The following RNU6-9 variants were observed in gnomAD, a reference collection of about 807,000 sequenced individuals.
RNU6-9 encodes the protein RNA, U6 small nuclear 9.
exon 1 of RNU6-9, chr19:893,563 G>T (rs1411952207): frequency 6.6e-6 from 1 of 150,530 alleles, no homozygotes; most frequent in African/African-American, 2.4e-5. Context: ...AGGATGACAC[G>T]CAAATTCGTG....
chr19:893,485 T>C (rs2036687489), exon 1 of RNU6-9: 1 of 152,198 alleles, frequency 6.6e-6, no homozygotes, highest in African/African-American at 2.4e-5. Context: ...TCAATATTCG[T>C]GCTCGCTTCG....
At position 893,487 on chromosome 19, in the gene RNU6-9, C is replaced by G. The variant is rs555638133; in HGVS notation, n.4C>G. ...CTGGTGGTGGAACTCAATATTCGTG[C>G]TCGCTTCGGCAGCACATATACTAAA... is the stretch of plus-strand genomic sequence containing the variant. On this transcript the variant is annotated non_coding_transcript_exon_variant, in exon 1 of 1. Coordinates refer to ENST00000384776, the Ensembl canonical transcript of RNU6-9. 2.6e-5 allele frequency: 4 copies of G among 152,306 alleles called. No individual in the cohort carries two copies. The East Asian group carries it at 7.7e-4, about 29-fold the overall frequency. 9.4% of individuals were successfully genotyped at this position (152,306 alleles called of 1,614,324 possible). A position where few individuals can be genotyped will look rare whatever the true frequency, so the allele number is the denominator to read the frequency against.
exon 1 of RNU6-9, chr19:893,541 G>A (rs569158702): frequency 2.6e-5 from 4 of 151,932 alleles, no homozygotes; most frequent in Non-Finnish European, 5.9e-5. Flanking sequence ...AGATTAGCAT[G>A]GCCCCTGCGC....
At chr19:893,573 G>T (rs1464501427) in exon 1 of RNU6-9, 1 of 143,576 alleles carries the variant, frequency 7.0e-6, no homozygotes, top group Non-Finnish European at 1.5e-5. Context: ...GCAAATTCGT[G>T]AAGCGTTCCA....
chr19:893,556 A>C (rs1357678175), exon 1 of RNU6-9: 1 of 151,640 alleles, frequency 6.6e-6, no homozygotes, highest in Non-Finnish European at 1.5e-5. Context: ...CTGCGCAAGG[A>C]TGACACGCAA....
exon 1 of RNU6-9, chr19:893,545 C>CT (rs1473730865): frequency 6.6e-6 from 1 of 152,022 alleles, no homozygotes; most frequent in Non-Finnish European, 1.5e-5. Context: ...TAGCATGGCC[C>CT]CTGCGCAAGG....
chr19:893,576 G>A (rs1429630013), exon 1 of RNU6-9: 1 of 135,506 alleles, frequency 7.4e-6, no homozygotes, highest in Admixed American at 7.3e-5. Context: ...AATTCGTGAA[G>A]CGTTCCATAT....
exon 1 of RNU6-9, chr19:893,488 T>G (rs1259596831): frequency 2.6e-5 from 4 of 152,220 alleles, no homozygotes; most frequent in South Asian, 2.1e-4. Context: ...ATATTCGTGC[T>G]CGCTTCGGCA....
exon 1 of RNU6-9, chr19:893,496 G>A (rs913556659): frequency 1.3e-5 from 2 of 152,164 alleles, no homozygotes; most frequent in Non-Finnish European, 2.9e-5. Context: ...GCTCGCTTCG[G>A]CAGCACATAT....
At chr19:893,545 C>G (rs770806785) in exon 1 of RNU6-9, 7 of 152,022 alleles carry the variant, frequency 4.6e-5, no homozygotes, top group African/African-American at 1.5e-4. Context: ...TAGCATGGCC[C>G]CTGCGCAAGG....
chr19:893,560 C>T (rs556561325), exon 1 of RNU6-9: 10 of 151,206 alleles, frequency 6.6e-5, no homozygotes, highest in African/African-American at 1.9e-4. Context: ...GCAAGGATGA[C>T]ACGCAAATTC....
At chr19:893,542 G>GC (rs746822838) in exon 1 of RNU6-9, 8 of 152,008 alleles carry the variant, frequency 5.3e-5, no homozygotes, top group Non-Finnish European at 8.8e-5. Context: ...GATTAGCATG[G>GC]CCCCTGCGCA....
chr19:893,520 C>T (rs948074962), exon 1 of RNU6-9: 7 of 151,936 alleles, frequency 4.6e-5, no homozygotes, highest in African/African-American at 1.2e-4. Context: ...AAAATTGGAA[C>T]GATACAGAGA....
At chr19:893,498 A>T (rs979585805) in exon 1 of RNU6-9, 2 of 152,236 alleles carry the variant, frequency 1.3e-5, no homozygotes, top group Non-Finnish European at 2.9e-5. Flanking sequence ...TCGCTTCGGC[A>T]GCACATATAC....
chr19:893,538 CATGG>C, exon 1 of RNU6-9: 1 of 151,370 alleles, frequency 6.6e-6, no homozygotes, highest in Non-Finnish European at 1.5e-5. Flanking sequence ...AGAAGATTAG[CATGG>C]CCCCTGCGCA....
chr19:893,544 C>A (rs1051311731), exon 1 of RNU6-9: 1 of 152,008 alleles, frequency 6.6e-6, no homozygotes, highest in Non-Finnish European at 1.5e-5. Context: ...TTAGCATGGC[C>A]CCTGCGCAAG....
At chr19:893,573 G>GT (rs1449116797) in exon 1 of RNU6-9, 1 of 143,696 alleles carries the variant, frequency 7.0e-6, no homozygotes, top group African/African-American at 2.6e-5. Context: ...GCAAATTCGT[G>GT]AAGCGTTCCA....
chr19:893,529 G>C (rs777803715), exon 1 of RNU6-9: 1 of 152,062 alleles, frequency 6.6e-6, no homozygotes, highest in Non-Finnish European at 1.5e-5. Flanking sequence ...ACGATACAGA[G>C]AAGATTAGCA....
At chr19:893,538 C>CA (rs1555719717) in exon 1 of RNU6-9, 1 of 151,370 alleles carries the variant, frequency 6.6e-6, no homozygotes, top group Non-Finnish European at 1.5e-5. Flanking sequence ...AGAAGATTAG[C>CA]ATGGCCCCTG....
Sources: gnomAD v4.1 joint callset for allele counts on GRCh38, gnomAD v4.1.1 for gene constraint, MANE v1.5 for transcripts, NCBI Gene and HGNC (gene_info 2026-07-23, HGNC 2026-07-21) for gene names.